The following GALNTL6 variants were observed in gnomAD, a reference collection of about 807,000 sequenced individuals.
The protein encoded by GALNTL6 is polypeptide N-acetylgalactosaminyltransferase like 6.
Under a neutral mutation model 73.7 loss-of-function variants are expected in GALNTL6, and 46 were observed. The observed-to-expected ratio is 0.62, with a 90% CI of 0.49 to 0.80. The LOEUF is 0.80. GALNTL6 is among the 30% of genes least tolerant of loss of function. GALNTL6 has a pLI of 0.00. For missense variants in GALNTL6, 604 were observed against 755.0 expected, an observed-to-expected ratio of 0.80 and a Z score of 2.34; for synonymous variants, 259 against 263.7, an observed-to-expected ratio of 0.98 and a Z score of 0.17.
At chr4:172,916,813 C>A (rs1747547220) in intron 8 of GALNTL6, among the ~76,000 whole-genome samples, 1 of 152,170 alleles carries the variant, frequency 6.6e-6, no homozygotes. Context: ...GTGAAAATGG[C>A]CATACTGCCC....
At chr4:172,890,397 G>A (rs965609950) in intron 8 of GALNTL6, among the ~76,000 whole-genome samples, 5 of 151,954 alleles carry the variant, frequency 3.3e-5, no homozygotes, top group African/African-American at 1.2e-4. Flanking sequence ...TTTTAATACT[G>A]CTTGTGCTGC....
At chr4:172,739,481 G>A (rs1736676387) in intron 5 of GALNTL6, among the ~76,000 whole-genome samples, 1 of 152,148 alleles carries the variant, frequency 6.6e-6, no homozygotes, top group Non-Finnish European at 1.5e-5. Flanking sequence ...TGGTAGGTTA[G>A]TGGGTGGGTT....
chr4:172,787,445 A>G (rs1241184004), intron 5 of GALNTL6, among the ~76,000 whole-genome samples: 1 of 152,248 alleles, frequency 6.6e-6, no homozygotes, highest in African/African-American at 2.4e-5. Flanking sequence ...CATTCACAAC[A>G]GCCCCCATAA....
intron 8 of GALNTL6, among the ~76,000 whole-genome samples, chr4:172,928,195 G>A (rs1387634457): frequency 1.3e-5 from 2 of 152,148 alleles, no homozygotes; most frequent in Non-Finnish European, 2.9e-5. Context: ...AAAGGCAAAA[G>A]TATTTATTTT....
chr4:172,463,807 G>A (rs1008469155), intron 5 of GALNTL6, among the ~76,000 whole-genome samples: 3 of 152,156 alleles, frequency 2.0e-5, no homozygotes, highest in Non-Finnish European at 2.9e-5. Flanking sequence ...ATCTGTGGAT[G>A]ATTATTTCAT....
intron 2 of GALNTL6, among the ~76,000 whole-genome samples, chr4:172,129,228 A>G (rs1298396034): frequency 6.6e-6 from 1 of 152,214 alleles, no homozygotes; most frequent in African/African-American, 2.4e-5. Flanking sequence ...TACAAATAAA[A>G]ACGTCAACAG....
At chr4:172,758,896 A>C (rs889695306) in intron 5 of GALNTL6, among the ~76,000 whole-genome samples, 4 of 152,220 alleles carry the variant, frequency 2.6e-5, no homozygotes, top group African/African-American at 9.6e-5. Context: ...CTTGGAATGC[A>C]TTCCCATGCG....
chr4:172,745,754 G>A (rs1737076848), intron 5 of GALNTL6, among the ~76,000 whole-genome samples: 1 of 152,060 alleles, frequency 6.6e-6, no homozygotes, highest in Non-Finnish European at 1.5e-5. Context: ...GAGAGTGGAA[G>A]GAGAGGTTTT....
rs180983529 is a variant in GALNTL6 at position 172,802,079 on chromosome 4, G to A, written c.554-7282G>A. On this transcript the variant is annotated intron_variant, in intron 5 of 12. Transcript: ENST00000506823. ...AAAAAAATCAAGCCCTTGGTCCTGA[G>A]GAATTTCCCATCGTTTGGATTTTGC... is the stretch of plus-strand genomic sequence containing the variant. Among the ~76,000 whole-genome samples, 21 of 151,628 alleles carry A rather than the reference G, an allele frequency of 1.4e-4. No individual in the cohort carries two copies. The East Asian group carries it at 3.9e-3, about 28-fold the overall frequency.
At chr4:172,546,332 T>C (rs913249115) in intron 5 of GALNTL6, among the ~76,000 whole-genome samples, 8 of 152,186 alleles carry the variant, frequency 5.3e-5, no homozygotes, top group African/African-American at 1.9e-4. Flanking sequence ...GTTGAAGGGA[T>C]ATGATGTTGA....
chr4:172,606,442 G>A lies in GALNTL6; in HGVS notation c.554-202919G>A, dbSNP rs772762065. ...GCATTCCAGCGTGGGCAACAGGAGCGAAACTCTGTCTCAAAACAAAAAAAA... is the reference window on the plus strand; with the variant it reads ...GCATTCCAGCGTGGGCAACAGGAGCAAAACTCTGTCTCAAAACAAAAAAAA... On this transcript the variant is annotated intron_variant, in intron 5 of 12. Transcript: ENST00000506823. Among the ~76,000 whole-genome samples, 162 of 129,170 alleles carry A rather than the reference G, an allele frequency of 1.3e-3. 1 individual carries two copies. The highest frequency in any genetic ancestry group is 1.7e-3 in the East Asian group (7 of 4,208). 84.7% of individuals were successfully genotyped at this position (129,170 alleles called of 152,430 possible).
At chr4:171,938,533 A>G (rs978158141) in intron 2 of GALNTL6, among the ~76,000 whole-genome samples, 3 of 152,174 alleles carry the variant, frequency 2.0e-5, no homozygotes, top group Non-Finnish European at 4.4e-5. Flanking sequence ...GAGTTTCCAG[A>G]AAAAAATCAT....
chr4:172,922,204 C>T (rs1747831249), intron 8 of GALNTL6, among the ~76,000 whole-genome samples: 1 of 152,216 alleles, frequency 6.6e-6, no homozygotes. Context: ...GAGGCCTCCC[C>T]TGCCATGTGG....
At chr4:172,106,119 C>T (rs112021662) in intron 2 of GALNTL6, among the ~76,000 whole-genome samples, 3 of 152,214 alleles carry the variant, frequency 2.0e-5, no homozygotes, top group African/African-American at 7.2e-5. Context: ...AAGAAAATGA[C>T]ACAGCAAAAG....
At chr4:172,266,865 C>G (rs1738469865) in intron 3 of GALNTL6, among the ~76,000 whole-genome samples, 1 of 152,094 alleles carries the variant, frequency 6.6e-6, no homozygotes, top group Non-Finnish European at 1.5e-5. Flanking sequence ...TCTCTCTTCT[C>G]ATCAACTGAG....
At chr4:172,430,478 T>C (rs1216624314) in intron 5 of GALNTL6, among the ~76,000 whole-genome samples, 8 of 152,118 alleles carry the variant, frequency 5.3e-5, no homozygotes, top group Non-Finnish European at 1.0e-4. Context: ...CCCAGAAGGA[T>C]AAGAAGTGAA....
At chr4:172,856,805 CT>C (rs1579572119) in intron 7 of GALNTL6, among the ~76,000 whole-genome samples, 2 of 152,188 alleles carry the variant, frequency 1.3e-5, no homozygotes, top group East Asian at 3.8e-4. Flanking sequence ...ACTTTCACAG[CT>C]TTTACAAGAA....
chr4:171,927,532 T>C (rs1738026012), intron 2 of GALNTL6, among the ~76,000 whole-genome samples: 1 of 152,160 alleles, frequency 6.6e-6, no homozygotes, highest in Non-Finnish European at 1.5e-5. Flanking sequence ...TGTTCTCTCA[T>C]ACCCTATACA....
chr4:172,575,585 T>G (rs2110959772), intron 5 of GALNTL6, among the ~76,000 whole-genome samples: 1 of 152,342 alleles, frequency 6.6e-6, no homozygotes, highest in Non-Finnish European at 1.5e-5. Context: ...TGAGAAGGTC[T>G]TAACCTCTAT....
Sources: allele counts gnomAD v4.1 joint callset (sites outside exome capture counted in the v4.1 genomes callset), GRCh38; gene constraint gnomAD v4.1.1; transcripts MANE v1.5; gene names NCBI Gene and HGNC (gene_info 2026-07-23, HGNC 2026-07-21).